Variants in ZC3H11A observed in about 807,000 individuals in gnomAD.
ZC3H11A encodes the protein zinc finger CCCH-type containing 11A.
In ZC3H11A, 22 loss-of-function variants were observed where a neutral mutation model predicts 90.8. That is an observed-to-expected ratio of 0.24 (90% CI 0.17 to 0.35). ZC3H11A has a LOEUF of 0.35. Ranked by LOEUF, ZC3H11A falls within the 10% of genes least tolerant of loss-of-function variation. ZC3H11A has a pLI of 1.00. For missense variants in ZC3H11A, 701 were observed against 964.9 expected (o/e 0.73, Z 3.62); for synonymous variants, 294 against 339.8 (o/e 0.87, Z 1.48).
At position 203,812,110 on chromosome 1, in the gene ZC3H11A, C is replaced by T. The variant is rs937535441; in HGVS notation, c.-145-4816C>T. ...GGGATTACATGTATGAGTCACCACA[C>T]TGGGCCTTAACTTTCATTTTAAATT... On this transcript the variant is annotated intron_variant, in intron 2 of 17. Transcript: ENST00000367210. Among the ~76,000 whole-genome samples, 4 of 152,186 alleles carry T rather than the reference C, an allele frequency of 2.6e-5. No individual in the cohort carries two copies. In the East Asian group the frequency reaches 7.7e-4, roughly 29 times the overall value.
rs563967040 is a variant in ZC3H11A at position 203,847,308 on chromosome 1, T to C, written c.1167T>C (p.Asp389=). The part of the protein sequence containing the change: ...KLKTEGPSKT[D]DSTSGARSSS... ...AGACAGAAGGACCTTCAAAAACTGA[T>C]GATTCTACTTCAGGAGCAAGAAGCT... The change falls in exon 13 of 18, where the codon GAT becomes GAC. Residue 389 remains aspartate (D), a synonymous_variant. Transcript: ENST00000367210. The C allele has an allele frequency of 2.9e-5, 46 of 1,613,896 alleles. No individual in the cohort carries two copies. The Middle Eastern group carries it at 5.0e-4, about 17-fold the overall frequency.
At chr1:203,819,529 ATTTTTTTTTT>A (rs755259647) in intron 4 of ZC3H11A, among the ~76,000 whole-genome samples, 1 of 72,890 alleles carries the variant, frequency 1.4e-5, no homozygotes, top group African/African-American at 5.8e-5. Context: ...GCTGACTCCA[ATTTTTTTTTT>A]TTTTTTTTTT....
chr1:203,851,237 C>G, intron 17 of ZC3H11A, 113 bp downstream of exon 17: 7 of 944,416 alleles, frequency 7.4e-6, no homozygotes, highest in Non-Finnish European at 9.4e-6. Context: ...ATCTGTTGCA[C>G]TTCAAATTAA....
At chr1:203,821,931 G>A (rs1043745094) in intron 4 of ZC3H11A, among the ~76,000 whole-genome samples, 13 of 151,892 alleles carry the variant, frequency 8.6e-5, no homozygotes, top group Non-Finnish European at 1.2e-4. Flanking sequence ...CTAATTTTTT[G>A]TACTTTTAGT....
chr1:203,824,086 A>G (rs12739404), intron 4 of ZC3H11A, among the ~76,000 whole-genome samples: 33 of 151,900 alleles, frequency 2.2e-4, no homozygotes, highest in Non-Finnish European at 3.5e-4. Context: ...TGGCCAACAC[A>G]GTGAAACCCC....
chr1:203,834,701 G>A (rs551127625), intron 10 of ZC3H11A, among the ~76,000 whole-genome samples: 11 of 152,194 alleles, frequency 7.2e-5, no homozygotes, highest in Non-Finnish European at 1.2e-4. Flanking sequence ...CCACGCTGGC[G>A]TGCACTGGCA....
chr1:203,824,194 G>C (rs1160977804), intron 4 of ZC3H11A, among the ~76,000 whole-genome samples: 2 of 151,486 alleles, frequency 1.3e-5, no homozygotes, highest in Admixed American at 6.6e-5. Context: ...CTTGAACCTG[G>C]GAGGTGGAGA....
rs201103094 is a variant in ZC3H11A at position 203,837,993 on chromosome 1, G to A, written c.902G>A (p.Arg301His). The change falls in exon 11 of 18, where the codon CGT becomes CAT. Residue 301 changes from arginine (R) to histidine (H), a missense_variant. This residue lies in a region of ZC3H11A where 530 missense variants were observed against 696.2 expected (regional missense o/e 0.76). Transcript: ENST00000367210. ...AGGDSDPPLK[R>H]SLAQRLGKKV... ...GGTGACAGTGATCCTCCATTAAAGC[G>A]TAGCCTGGCACAGAGGCTAGGGAAG... 31 of 1,613,916 alleles carry A rather than the reference G, an allele frequency of 1.9e-5. No individual in the cohort carries two copies. Among genetic ancestry groups the A allele is most frequent in the East Asian group, 2.2e-5 (1 of 44,892 alleles).
intron 4 of ZC3H11A, among the ~76,000 whole-genome samples, chr1:203,819,966 G>A (rs531511460): frequency 7.9e-5 from 12 of 151,850 alleles, no homozygotes; most frequent in African/African-American, 2.7e-4. Context: ...GCTGGGCTCA[G>A]TGGCTCACGC....
intron 17 of ZC3H11A, among the ~76,000 whole-genome samples, 188 bp from the exon 18 acceptor site, chr1:203,851,953 A>AGCCT (rs1689393620): frequency 6.9e-6 from 1 of 144,006 alleles, no homozygotes; most frequent in Non-Finnish European, 1.5e-5. Context: ...TGGGTGACAA[A>AGCCT]GGGAGACTCT....
chr1:203,819,074 A>AT (rs1471524796), intron 4 of ZC3H11A, among the ~76,000 whole-genome samples: 77 of 35,628 alleles, frequency 2.2e-3, no homozygotes, highest in Middle Eastern at 0.015. Context: ...TCTCAAAAAA[A>AT]AAAATATATA....
intron 2 of ZC3H11A, among the ~76,000 whole-genome samples, chr1:203,814,384 T>C (rs10793742): frequency 0.98 from 149,322 of 152,268 alleles, 73,287 homozygotes; most frequent in East Asian, 1. Flanking sequence ...ATTAGCCATA[T>C]GTGGTGGTGC....
rs1313293644 is a variant in ZC3H11A at position 203,837,992 on chromosome 1, C to T, written c.901C>T (p.Arg301Cys). Residue 301 changes from arginine (R) to cysteine (C), a missense_variant, in exon 11 of 18, where the codon CGT (arginine) becomes TGT (cysteine). By Grantham distance (180) the Arg-to-Cys change is radical. This residue lies in a region of ZC3H11A where 530 missense variants were observed against 696.2 expected (regional missense o/e 0.76). Coordinates refer to ENST00000367210, the MANE Select transcript of ZC3H11A (RefSeq NM_001376342.1). ...AGGDSDPPLK[R>C]SLAQRLGKKV... ...CGGTGACAGTGATCCTCCATTAAAG[C>T]GTAGCCTGGCACAGAGGCTAGGGAA... 8 of 1,614,002 alleles carry T rather than the reference C, an allele frequency of 5.0e-6. No individual in the cohort carries two copies. Among genetic ancestry groups the T allele is most frequent in the Non-Finnish European group, 5.9e-6 (7 of 1,179,990 alleles).
Position 203,848,409 on chromosome 1 carries a change from T to C in ZC3H11A, c.1623+2T>C. 6.2e-7 allele frequency: 1 copy of C among 1,603,700 alleles called. No homozygotes were observed. The highest frequency in any genetic ancestry group is 8.5e-7 in the Non-Finnish European group (1 of 1,175,776). ...AGTATTAGAACAGAAGCTAAAGAGG[T>C]AAATTTAAGATTATTGTATGGTTTT... On this transcript the variant is annotated splice_donor_variant, in intron 14 of 17. Coordinates refer to ENST00000367210, the MANE Select transcript of ZC3H11A (RefSeq NM_001376342.1). LOFTEE classifies it high-confidence loss of function.
chr1:203,853,400 C>T lies in ZC3H11A; in HGVS notation c.*1001C>T, dbSNP rs1379236263. The T allele has an allele frequency of 6.6e-6, 1 of 152,496 alleles. No homozygotes were observed. The highest frequency in any genetic ancestry group is 1.5e-5 in the Non-Finnish European group (1 of 68,032). 9.4% of individuals were successfully genotyped at this position (152,496 alleles called of 1,614,324 possible). Reference sequence around the variant, plus strand: ...GTACTGTGCCAGGGATATTGAGATGCTCTGGGGGTGTATTGTATACCTGCC... The same window carrying T: ...GTACTGTGCCAGGGATATTGAGATGTTCTGGGGGTGTATTGTATACCTGCC... On this transcript the variant is annotated 3_prime_UTR_variant, in exon 18 of 18. Coordinates refer to ENST00000367210, the MANE Select transcript of ZC3H11A (RefSeq NM_001376342.1).
chr1:203,821,430 T>G (rs1217039300), intron 4 of ZC3H11A, among the ~76,000 whole-genome samples: 1 of 152,204 alleles, frequency 6.6e-6, no homozygotes, highest in East Asian at 1.9e-4. Flanking sequence ...CTATCATTAC[T>G]TTTATGCTCC....
chr1:203,851,210 T>C (rs1291933146), intron 17 of ZC3H11A, 86 bp downstream of exon 17: 38 of 1,200,106 alleles, frequency 3.2e-5, no homozygotes, highest in Admixed American at 4.5e-5. Context: ...TAAATAACTT[T>C]AGCAACATTC....
chr1:203,837,900 GT>G (rs34191177), intron 10 of ZC3H11A, 65 bp from the exon 11 acceptor site: 197,840 of 1,473,706 alleles, frequency 0.13, 14,344 homozygotes, highest in Non-Finnish European at 0.14. Context: ...GTCTGTTTTT[GT>G]TTGTATTTCT....
intron 1 of ZC3H11A, chr1:203,798,691 C>T: frequency 6.5e-7 from 1 of 1,536,144 alleles, no homozygotes; most frequent in Non-Finnish European, 8.7e-7. Context: ...GAGCAAGGCA[C>T]TCTGATGCGT....
Sources: allele counts gnomAD v4.1 joint callset (sites outside exome capture counted in the v4.1 genomes callset), GRCh38; gene constraint gnomAD v4.1.1; regional missense constraint gnomAD v4.1.1; transcripts MANE v1.5; gene names NCBI Gene and HGNC (gene_info 2026-07-23, HGNC 2026-07-21).